The following UBE3B variants were observed in gnomAD, a reference collection of about 807,000 sequenced individuals.
UBE3B encodes the protein ubiquitin protein ligase E3B.
Under a neutral mutation model 132.3 loss-of-function variants are expected in UBE3B, and 80 were observed. The ratio of observed to expected loss-of-function variants is 0.60; its 90% CI spans 0.50 to 0.73. UBE3B has a LOEUF of 0.73. Among genes scored for constraint, UBE3B ranks in the 30% least tolerant of loss-of-function variants. The pLI is 0.00. For missense variants in UBE3B, 1,196 were observed against 1,362.5 expected, an observed-to-expected ratio of 0.88 and a Z score of 1.92; for synonymous variants, 487 against 520.4, an observed-to-expected ratio of 0.94 and a Z score of 0.87.
At chr12:109,504,599 T>C (rs1294691729) in intron 14 of UBE3B, among the ~76,000 whole-genome samples, 4 of 152,168 alleles carry the variant, frequency 2.6e-5, no homozygotes, top group African/African-American at 4.8e-5. Flanking sequence ...GAAAGGGGCC[T>C]GCTGGGCATG....
intron 9 of UBE3B, among the ~76,000 whole-genome samples, chr12:109,495,748 T>C (rs1259008716): frequency 6.6e-6 from 1 of 152,250 alleles, no homozygotes; most frequent in Non-Finnish European, 1.5e-5. Flanking sequence ...TCTGGCTAGT[T>C]ATCTGCAGCA....
chr12:109,489,623 G>A (rs1877089405), intron 7 of UBE3B, among the ~76,000 whole-genome samples: 1 of 152,188 alleles, frequency 6.6e-6, no homozygotes, highest in African/African-American at 2.4e-5. Context: ...GCCCTAGGAG[G>A]GAATTAGAAA....
the UBE3B span, among the ~76,000 whole-genome samples, chr12:109,546,062 AG>A: frequency 3.9e-5 from 6 of 152,148 alleles, no homozygotes; most frequent in African/African-American, 1.4e-4. Flanking sequence ...GCTAAGGCAG[AG>A]TTGCAAGTGG....
intron 21 of UBE3B, among the ~76,000 whole-genome samples, chr12:109,523,564 G>C (rs1032059093): frequency 2.0e-5 from 3 of 152,210 alleles, no homozygotes; most frequent in African/African-American, 2.4e-5. Flanking sequence ...TCTGCCTTTG[G>C]GGGAGAGCTT....
In UBE3B at chr12:109,534,524, C is replaced by T; in HGVS notation, c.3016-67C>T. The T allele has an allele frequency of 6.5e-7, 1 of 1,538,400 alleles. No individual in the cohort carries two copies. On this transcript the variant is annotated intron_variant, in intron 27 of 27. Coordinates refer to ENST00000342494, the MANE Select transcript of UBE3B (RefSeq NM_130466.4). The surrounding 1 kb of genome is among the most constrained non-coding windows in gnomAD (Gnocchi z 5.2). Reference sequence around the variant, plus strand: ...CAGATCCCCTCCCTGGGCTCCCTGGCCTTGGCATCAGCCTGGGCTCCCAAA... The same window carrying T: ...CAGATCCCCTCCCTGGGCTCCCTGGTCTTGGCATCAGCCTGGGCTCCCAAA...
intron 6 of UBE3B, among the ~76,000 whole-genome samples, chr12:109,487,410 A>G (rs1227247247): frequency 6.6e-6 from 1 of 152,202 alleles, no homozygotes; most frequent in African/African-American, 2.4e-5. Flanking sequence ...TAATGGAACG[A>G]AAGTCCCCAG....
chr12:109,479,801 C>T (rs1261761698), intron 1 of UBE3B, among the ~76,000 whole-genome samples: 4 of 152,046 alleles, frequency 2.6e-5, no homozygotes, highest in African/African-American at 9.7e-5. Context: ...CTGGGAGGGC[C>T]CCTGGGAGAA....
chr12:109,490,234 G>C, intron 8 of UBE3B: 1 of 931,448 alleles, frequency 1.1e-6, no homozygotes, highest in Non-Finnish European at 1.7e-6. Flanking sequence ...ATTTTTGGCT[G>C]CAAGGGTAAT....
chr12:109,480,781 G>A (rs1286478850), intron 1 of UBE3B, among the ~76,000 whole-genome samples: 1 of 152,172 alleles, frequency 6.6e-6, no homozygotes. Context: ...TGTGCATGCT[G>A]TGGAAAATTT....
Position 109,498,245 on chromosome 12 carries a change from T to G in UBE3B, c.832T>G (p.Leu278Val). ...CTATTCTTTGCAGCGCCTCACTGTT[T>G]TAGAATCCCATGACATGCTTCGTAA... ...STVTPERLTVLESHDMLRKFI... is the reference protein window; with the variant it reads ...STVTPERLTVVESHDMLRKFI... Residue 278 changes from leucine to valine, a missense_variant, in exon 11 of 28, where the codon TTA (leucine) becomes GTA (valine). Physicochemically the swap from Leu to Val is conservative, Grantham distance 32 (BLOSUM62 1). Coordinates refer to ENST00000342494, the MANE Select transcript of UBE3B (RefSeq NM_130466.4). 6.2e-7 allele frequency: 1 copy of G among 1,614,106 alleles called. No homozygotes were observed. Among genetic ancestry groups the G allele is most frequent in the Non-Finnish European group, 8.5e-7 (1 of 1,180,008 alleles).
intron 11 of UBE3B, 118 bp from the exon 12 acceptor site, chr12:109,499,515 T>C: frequency 1.9e-6 from 2 of 1,026,820 alleles, no homozygotes; most frequent in East Asian, 6.4e-5. Flanking sequence ...GTGCCCCTTA[T>C]GTGGAAATTT....
At chr12:109,499,477 A>G (rs1000599462) in intron 11 of UBE3B, among the ~76,000 whole-genome samples, 156 bp from the exon 12 acceptor site, 3 of 152,146 alleles carry the variant, frequency 2.0e-5, no homozygotes, top group African/African-American at 7.2e-5. Flanking sequence ...TTACCTTTGC[A>G]CCACACAGCA....
chr12:109,534,824 G>A lies in UBE3B; in HGVS notation c.*42G>A. ...GCCTCCAGGGCTCCTGGGCTGCCAG[G>A]GACCTTCAGCTCCCAGAGGCAGTGT... On this transcript the variant is annotated 3_prime_UTR_variant, in exon 28 of 28. Transcript: ENST00000342494. This position sits in a 1 kb window ranked among gnomAD's most constrained non-coding sequence, Gnocchi z 5.2. 19 of 1,463,160 alleles carry A rather than the reference G, an allele frequency of 1.3e-5. No individual in the cohort carries two copies. The highest frequency in any genetic ancestry group is 1.7e-5 in the Non-Finnish European group (19 of 1,098,478). The allele number at this position is 1,463,160 out of a possible 1,614,324, so 90.6% of individuals were successfully genotyped here. A position where few individuals can be genotyped will look rare whatever the true frequency, so the allele number is the denominator to read the frequency against.
chr12:109,530,155 G>A (rs931716794), intron 25 of UBE3B, 83 bp downstream of exon 25: 14 of 1,514,576 alleles, frequency 9.2e-6, no homozygotes, highest in African/African-American at 2.8e-5. Context: ...CTTTTAGAGA[G>A]TTGTTTTAGG....
At chr12:109,499,373 A>T (rs919980026) in intron 11 of UBE3B, among the ~76,000 whole-genome samples, 1 of 152,192 alleles carries the variant, frequency 6.6e-6, no homozygotes, top group Non-Finnish European at 1.5e-5. Flanking sequence ...TTCCAATCTT[A>T]CAAATGAAGA....
downstream of UBE3B, among the ~76,000 whole-genome samples, chr12:109,538,611 T>G (rs1035198058): frequency 2.0e-5 from 3 of 152,136 alleles, no homozygotes; most frequent in Non-Finnish European, 4.4e-5. The surrounding 1 kb of genome is among the most constrained non-coding windows in gnomAD (Gnocchi z 4.1). Flanking sequence ...TCCTCACCTT[T>G]CACTTTAAGA....
At chr12:109,547,016 A>G in the UBE3B span, among the ~76,000 whole-genome samples, 1 of 152,224 alleles carries the variant, frequency 6.6e-6, no homozygotes, top group Non-Finnish European at 1.5e-5. This position sits in a 1 kb window ranked among gnomAD's most constrained non-coding sequence, Gnocchi z 4.1. Flanking sequence ...AGCCGGATTC[A>G]GAGTATTTTG....
chr12:109,501,028 C>A (rs11066955), intron 12 of UBE3B, among the ~76,000 whole-genome samples: 10,222 of 152,118 alleles, frequency 0.067, 368 homozygotes, highest in South Asian at 0.11. Context: ...CTAGATTTGG[C>A]CCCCCACCAC....
chr12:109,539,362 T>TA (rs1329697062), downstream of UBE3B, among the ~76,000 whole-genome samples: 6 of 152,236 alleles, frequency 3.9e-5, no homozygotes, highest in Admixed American at 1.3e-4. Flanking sequence ...TCCTGACTGT[T>TA]ACACTTGTTG....
Sources: allele counts gnomAD v4.1 joint callset (sites outside exome capture counted in the v4.1 genomes callset), GRCh38; gene constraint gnomAD v4.1.1; non-coding constraint Gnocchi (gnomAD v3.1); transcripts MANE v1.5; gene names NCBI Gene and HGNC (gene_info 2026-07-23, HGNC 2026-07-21).